SDK2: variants seen among roughly 807,000 people sequenced by gnomAD.
SDK2 encodes sidekick cell adhesion molecule 2, also known as protein sidekick-2.
Under a neutral mutation model 253.9 loss-of-function variants are expected in SDK2, and 105 were observed. The observed-to-expected ratio is 0.41, with a 90% confidence interval of 0.35 to 0.49. The LOEUF is 0.49. Ranked by LOEUF, SDK2 falls within the 20% of genes least tolerant of loss-of-function variation. The pLI is 0.06. For synonymous variants in SDK2, 1,249 were observed against 1,234.9 expected, an observed-to-expected ratio of 1.01 and a Z score of -0.24; for missense variants, 2,608 against 3,003.0, an observed-to-expected ratio of 0.87 and a Z score of 3.07.
At position 73,339,812 on chromosome 17, in the gene SDK2, C is replaced by T. The variant is rs555457704; in HGVS notation, c.6166-872G>A. Among the ~76,000 whole-genome samples, 7 of 152,230 alleles carry T rather than the reference C, an allele frequency of 4.6e-5. No individual in the cohort carries two copies. In the South Asian group the frequency reaches 1.2e-3, roughly 27 times the overall value. On this transcript the variant is annotated intron_variant, in intron 44 of 44. Coordinates refer to ENST00000392650, the MANE Select transcript of SDK2 (RefSeq NM_001144952.2). ...ACTTAAGTGATCCTCCTGCCTTGGTCTCCTAAAGTGCTGGGATTACAGGCG... is the reference window on the plus strand; with the variant it reads ...ACTTAAGTGATCCTCCTGCCTTGGTTTCCTAAAGTGCTGGGATTACAGGCG...
intron 24 of SDK2, 127 bp downstream of exon 24, chr17:73,397,908 C>T (rs1454272905): frequency 1.4e-5 from 15 of 1,054,614 alleles, no homozygotes; most frequent in Non-Finnish European, 2.0e-5. Context: ...TGTTGATTAT[C>T]AGGCATCTCA....
At chr17:73,540,863 C>T (rs12601555) in intron 1 of SDK2, among the ~76,000 whole-genome samples, 10,928 of 152,266 alleles carry the variant, frequency 0.072, 406 homozygotes, top group South Asian at 0.099. Context: ...CAGGTGAGCA[C>T]TTGACAGGAG....
chr17:73,625,766 T>C, intron 1 of SDK2, among the ~76,000 whole-genome samples: 1 of 152,106 alleles, frequency 6.6e-6, no homozygotes, highest in Non-Finnish European at 1.5e-5. Flanking sequence ...TGCCTCAGCC[T>C]CCCGAGTAGC....
In SDK2 at chr17:73,368,758, C is replaced by A. The variant is rs964989484; in HGVS notation, c.4981-165G>T. 2.6e-5 allele frequency among the ~76,000 whole-genome samples: 4 copies of A among 152,056 alleles called. No individual in the cohort carries two copies. The highest frequency in any genetic ancestry group is 9.7e-5 in the African/African-American group (4 of 41,390). On this transcript the variant is annotated intron_variant, in intron 36 of 44. Transcript: ENST00000392650. ...GGTGCGGTGGCTCACACCTGTAATC[C>A]CAGCACTTTGGGAGGCAGAGGTGGG...
At chr17:73,355,345 CTTAT>C (rs1177091887) in intron 40 of SDK2, among the ~76,000 whole-genome samples, 5 of 147,318 alleles carry the variant, frequency 3.4e-5, no homozygotes, top group African/African-American at 7.6e-5. Context: ...GCCCGGCTAA[CTTAT>C]TTATTTATTT....
rs1346799681 is a variant in SDK2, at chr17:73,361,155, T to TA, written c.5467+528_5467+529insT. On this transcript the variant is annotated intron_variant, in intron 39 of 44. Coordinates refer to ENST00000392650, the MANE Select transcript of SDK2 (RefSeq NM_001144952.2). This position sits in a 1 kb window ranked among gnomAD's most constrained non-coding sequence, Gnocchi z 4.1. ...CTTTGTCACGGCCTCCAGGGGCTTT[T>TA]GTCTAAGTGCAGACTGCCAGGTCCC... is the stretch of plus-strand genomic sequence containing the variant. Among the ~76,000 whole-genome samples the TA allele has an allele frequency of 1.3e-5, 2 of 152,026 alleles. No individual in the cohort carries two copies. Among genetic ancestry groups the TA allele is most frequent in the Admixed American group, 1.3e-4 (2 of 15,270 alleles).
intron 4 of SDK2, among the ~76,000 whole-genome samples, chr17:73,450,679 T>G (rs1273902577): frequency 3.3e-5 from 5 of 152,210 alleles, no homozygotes; most frequent in Non-Finnish European, 7.4e-5. Flanking sequence ...GTCTATATCA[T>G]GATCAAGCTT....
intron 2 of SDK2, among the ~76,000 whole-genome samples, chr17:73,506,032 C>T (rs150224253): frequency 6.6e-6 from 1 of 152,386 alleles, no homozygotes; most frequent in Non-Finnish European, 1.5e-5. Context: ...TCCCCTCCTC[C>T]TGGATCCTGC....
intron 3 of SDK2, among the ~76,000 whole-genome samples, chr17:73,470,036 A>G (rs937747073): frequency 6.7e-6 from 1 of 150,056 alleles, no homozygotes; most frequent in African/African-American, 2.5e-5. Flanking sequence ...ACACACACAG[A>G]GGTTCTGGCC....
At chr17:73,632,882 G>A (rs1266397997) in intron 1 of SDK2, among the ~76,000 whole-genome samples, 2 of 152,120 alleles carry the variant, frequency 1.3e-5, no homozygotes, top group Non-Finnish European at 2.9e-5. Flanking sequence ...CCATGGGGAC[G>A]ACAAGCCACA....
chr17:73,548,393 G>T (rs1048468918), intron 1 of SDK2, among the ~76,000 whole-genome samples: 1 of 152,184 alleles, frequency 6.6e-6, no homozygotes, highest in Non-Finnish European at 1.5e-5. Context: ...CCCTGCCCCC[G>T]AGTGGGTCCT....
At position 73,408,809 on chromosome 17, in the gene SDK2, C is replaced by T. The variant is rs544850071; in HGVS notation, c.2484+5835G>A. Among the ~76,000 whole-genome samples, 21 of 152,272 alleles carry T rather than the reference C, an allele frequency of 1.4e-4. No homozygotes were observed. In the East Asian group the frequency reaches 3.9e-3, roughly 28 times the overall value. The stretch of plus-strand genomic sequence containing the variant: ...CCTCAACTGACTGCAATTGTGTGAA[C>T]TTCATTTAGATCCTGAAGCAAATAA... On this transcript the variant is annotated intron_variant, in intron 18 of 44. Coordinates refer to ENST00000392650, the MANE Select transcript of SDK2 (RefSeq NM_001144952.2).
intron 8 of SDK2, 64 bp downstream of exon 8, chr17:73,437,675 A>G (rs2063380515): frequency 3.8e-6 from 5 of 1,327,834 alleles, no homozygotes; most frequent in Non-Finnish European, 4.4e-6. Flanking sequence ...AATGTCCACA[A>G]TGAGGATGGG....
intron 1 of SDK2, among the ~76,000 whole-genome samples, chr17:73,611,477 C>A (rs553286803): frequency 6.6e-6 from 1 of 152,228 alleles, no homozygotes; most frequent in Non-Finnish European, 1.5e-5. Context: ...GCTGGACGCC[C>A]AAGTCCCCCT....
chr17:73,372,533 G>T (rs568598768), intron 36 of SDK2, among the ~76,000 whole-genome samples: 2 of 152,128 alleles, frequency 1.3e-5, no homozygotes, highest in Non-Finnish European at 2.9e-5. Flanking sequence ...CCAATTCTCT[G>T]CCCTTTCATT....
chr17:73,547,049 T>G (rs987901377), intron 1 of SDK2, among the ~76,000 whole-genome samples: 4 of 152,194 alleles, frequency 2.6e-5, no homozygotes, highest in African/African-American at 9.6e-5. Flanking sequence ...TCTGTATGCA[T>G]CCCCCTGAGT....
At chr17:73,502,854 T>C (rs192404092) in intron 2 of SDK2, among the ~76,000 whole-genome samples, 1 of 152,320 alleles carries the variant, frequency 6.6e-6, no homozygotes, top group Non-Finnish European at 1.5e-5. Flanking sequence ...GGGAAGAAGA[T>C]ACTTCAACCT....
At chr17:73,626,658 G>A (rs1599736277) in intron 1 of SDK2, among the ~76,000 whole-genome samples, 1 of 152,216 alleles carries the variant, frequency 6.6e-6, no homozygotes, top group Non-Finnish European at 1.5e-5. Context: ...CAGAAGACAG[G>A]TGCTGGCATC....
At chr17:73,578,998 G>A (rs534570766) in intron 1 of SDK2, among the ~76,000 whole-genome samples, 2 of 152,204 alleles carry the variant, frequency 1.3e-5, no homozygotes, top group Non-Finnish European at 2.9e-5. Flanking sequence ...CTTCTGGAAG[G>A]GGCACCCCTT....
Sources: gnomAD v4.1 joint callset for allele counts (sites outside exome capture counted in the v4.1 genomes callset) on GRCh38, gnomAD v4.1.1 for gene constraint, Gnocchi (gnomAD v3.1) non-coding constraint, MANE v1.5 for transcripts, NCBI Gene and HGNC (gene_info 2026-07-23, HGNC 2026-07-21) for gene names.